FGGY: variants seen among roughly 807,000 people sequenced by gnomAD.
The protein encoded by FGGY is FGGY carbohydrate kinase domain-containing protein.
In FGGY, 72 loss-of-function variants were observed where a neutral mutation model predicts 71.3. The observed-to-expected ratio is 1.01, with a 90% confidence interval of 0.84 to 1.23. The LOEUF (loss-of-function observed/expected upper bound fraction) is 1.23. Among genes scored for constraint, FGGY ranks in the 50% most tolerant of loss-of-function variants. The probability of loss-of-function intolerance (pLI) is 0.00; values close to 1 mark genes in which losing one functional copy is unlikely to be tolerated. For synonymous variants in FGGY, 251 were observed against 250.3 expected (o/e 1.00, Z -0.02); for missense variants, 668 against 682.3 (o/e 0.98, Z 0.23).
At position 59,660,229 on chromosome 1, in the gene FGGY, T is replaced by C. The variant is rs762137703; in HGVS notation, c.1232T>C (p.Leu411Ser). The change falls in exon 12 of 16, where the codon TTG (leucine) becomes TCG (serine). Residue 411 changes from leucine to serine, a missense_variant. Physicochemically the swap from Leu to Ser is moderately radical, Grantham distance 145. This residue lies in a region of FGGY where 661 missense variants were observed against 661.6 expected (regional missense o/e 1.00). Coordinates refer to ENST00000303721, the MANE Select transcript of FGGY (RefSeq NM_018291.5). Reference sequence around the variant, plus strand: ...CCTTCATGCCTGCAGGTCACCGGATTGAAACTGTCTCAGGACCTTGATGAT... The same window carrying C: ...CCTTCATGCCTGCAGGTCACCGGATCGAAACTGTCTCAGGACCTTGATGAT... ...DLTLKGMVTG[L>S]KLSQDLDDLA... 3 of 1,613,570 alleles carry C rather than the reference T, an allele frequency of 1.9e-6. No individual in the cohort carries two copies. Among genetic ancestry groups the C allele is most frequent in the Admixed American group, 3.3e-5 (2 of 60,024 alleles).
At chr1:59,468,664 A>G (rs1445597953) in intron 6 of FGGY, among the ~76,000 whole-genome samples, 1 of 152,090 alleles carries the variant, frequency 6.6e-6, no homozygotes, top group African/African-American at 2.4e-5. Flanking sequence ...TGGGGTCAGG[A>G]GATCGAGACC....
chr1:59,297,265 A>C (rs1009743843), intron 1 of FGGY, 115 bp downstream of exon 1: 2 of 152,220 alleles, frequency 1.3e-5, no homozygotes, highest in Non-Finnish European at 2.9e-5. Flanking sequence ...ATCAGTGCCC[A>C]CTTATCTGTA....
At chr1:59,609,041 G>T (rs530233033) in intron 9 of FGGY, among the ~76,000 whole-genome samples, 9 of 152,296 alleles carry the variant, frequency 5.9e-5, no homozygotes, top group Non-Finnish European at 2.9e-5. Flanking sequence ...ACTCTTTACA[G>T]GGGAGAAGGC....
intron 2 of FGGY, among the ~76,000 whole-genome samples, chr1:59,336,605 A>C (rs1329938826): frequency 6.6e-6 from 1 of 151,568 alleles, no homozygotes; most frequent in Admixed American, 6.6e-5. Context: ...TTTAAGCCCC[A>C]CATGCATTAG....
intron 8 of FGGY, among the ~76,000 whole-genome samples, chr1:59,573,353 A>G (rs1232212850): frequency 6.6e-6 from 1 of 152,186 alleles, no homozygotes; most frequent in African/African-American, 2.4e-5. Context: ...ATTATAAAAT[A>G]CACACTGAAT....
chr1:59,528,187 C>A (rs1043055837), intron 7 of FGGY, among the ~76,000 whole-genome samples: 1 of 152,188 alleles, frequency 6.6e-6, no homozygotes, highest in Non-Finnish European at 1.5e-5. Flanking sequence ...AAAGTTGAAT[C>A]CAGGCTAATT....
intron 6 of FGGY, among the ~76,000 whole-genome samples, chr1:59,500,469 T>C (rs1362113220): frequency 6.6e-6 from 1 of 151,984 alleles, no homozygotes; most frequent in Non-Finnish European, 1.5e-5. Flanking sequence ...TAGGAATAAA[T>C]GATCTCAAAT....
chr1:59,517,638 T>A (rs1414512060), intron 7 of FGGY, among the ~76,000 whole-genome samples: 1 of 152,168 alleles, frequency 6.6e-6, no homozygotes, highest in South Asian at 2.1e-4. Flanking sequence ...CACTCTCTTT[T>A]TCCCCCACTG....
chr1:59,534,073 A>G (rs1287280293), intron 7 of FGGY, among the ~76,000 whole-genome samples: 3 of 152,222 alleles, frequency 2.0e-5, no homozygotes, highest in Non-Finnish European at 4.4e-5. Context: ...AAAGAAGTTG[A>G]AAACTTTGAA....
At chr1:59,416,490 T>C (rs532831706) in intron 5 of FGGY, among the ~76,000 whole-genome samples, 56 of 152,326 alleles carry the variant, frequency 3.7e-4, no homozygotes, top group African/African-American at 1.3e-3. Flanking sequence ...GCCTTACATA[T>C]ACTATATTAA....
chr1:59,346,463 G>A, intron 4 of FGGY, 65 bp downstream of exon 4: 1 of 1,558,226 alleles, frequency 6.4e-7, no homozygotes, highest in Non-Finnish European at 8.7e-7. Flanking sequence ...CTGTGGACCT[G>A]TAGGTACCAG....
chr1:59,460,794 T>C (rs2092130328), intron 6 of FGGY, among the ~76,000 whole-genome samples: 1 of 152,138 alleles, frequency 6.6e-6, no homozygotes, highest in Admixed American at 6.5e-5. Context: ...CTGTCTGGAG[T>C]GGACCTCCAG....
In FGGY at chr1:59,738,823, A is replaced by G. The variant is rs183825070; in HGVS notation, c.1513-19108A>G. ...TTTTATAAATGAGGAAATTCCATAA[A>G]TGGGTTGAGAGAGATTAGGCCCCAA... On this transcript the variant is annotated intron_variant, in intron 14 of 15. Coordinates refer to ENST00000303721, the MANE Select transcript of FGGY (RefSeq NM_018291.5). Among the ~76,000 whole-genome samples the G allele has an allele frequency of 7.4e-4, 113 of 152,304 alleles. 1 individual carries two copies. The highest frequency in any genetic ancestry group is 2.5e-3 in the African/African-American group (105 of 41,574).
chr1:59,358,883 G>A (rs1186680313), intron 4 of FGGY, among the ~76,000 whole-genome samples: 1 of 152,222 alleles, frequency 6.6e-6, no homozygotes, highest in African/African-American at 2.4e-5. Context: ...CTGTGAGGTA[G>A]ATGTTATCAC....
chr1:59,617,398 A>C (rs1198569392), intron 9 of FGGY, among the ~76,000 whole-genome samples: 1 of 152,122 alleles, frequency 6.6e-6, no homozygotes, highest in African/African-American at 2.4e-5. Context: ...GTATGTGAAT[A>C]GATTTGTATT....
intron 2 of FGGY, among the ~76,000 whole-genome samples, chr1:59,324,328 G>A (rs2046961385): frequency 7.8e-6 from 1 of 128,712 alleles, no homozygotes; most frequent in African/African-American, 2.9e-5. Flanking sequence ...CCAGGCTGGA[G>A]TGCAGTGGCG....
chr1:59,587,373 GACAA>G (rs1558449017), intron 8 of FGGY, among the ~76,000 whole-genome samples: 1 of 152,100 alleles, frequency 6.6e-6, no homozygotes, highest in Non-Finnish European at 1.5e-5. Context: ...GCAGGGAACA[GACAA>G]ACAAAAAGAC....
intron 14 of FGGY, chr1:59,699,128 A>C: frequency 1.0e-6 from 1 of 985,430 alleles, no homozygotes; most frequent in Non-Finnish European, 1.2e-6. Flanking sequence ...AATCTTGATT[A>C]TAAAACAAAT....
chr1:59,520,938 GC>G (rs1362733972), intron 7 of FGGY, among the ~76,000 whole-genome samples: 7 of 149,964 alleles, frequency 4.7e-5, no homozygotes, highest in Non-Finnish European at 8.9e-5. Flanking sequence ...CAGGAGCCAG[GC>G]CAGGCGCTGG....
Sources: allele counts gnomAD v4.1 joint callset (sites outside exome capture counted in the v4.1 genomes callset), GRCh38; gene constraint gnomAD v4.1.1; regional missense constraint gnomAD v4.1.1; transcripts MANE v1.5; gene names NCBI Gene and HGNC (gene_info 2026-07-23, HGNC 2026-07-21).